The following GABBR2 variants were observed in gnomAD, a reference collection of about 807,000 sequenced individuals.
The protein encoded by GABBR2 is gamma-aminobutyric acid type B receptor subunit 2.
In GABBR2, 23 loss-of-function variants were observed where a neutral mutation model predicts 105.6. The ratio of observed to expected loss-of-function variants is 0.22; its 90% CI spans 0.16 to 0.31. GABBR2 has a LOEUF of 0.31. Ranked by LOEUF, GABBR2 falls within the 10% of genes least tolerant of loss-of-function variation. The probability of loss-of-function intolerance (pLI) is 1.00; values close to 1 mark genes in which losing one functional copy is unlikely to be tolerated. For synonymous variants in GABBR2, 478 were observed against 499.7 expected (o/e 0.96, Z 0.58); for missense variants, 734 against 1,245.5 (o/e 0.59, Z 6.18).
At chr9:98,380,266 G>A (rs888474113) in intron 11 of GABBR2, among the ~76,000 whole-genome samples, 10 of 152,202 alleles carry the variant, frequency 6.6e-5, no homozygotes, top group Admixed American at 3.9e-4. Flanking sequence ...ACTACCCCAC[G>A]CCCAGGAATG....
chr9:98,404,541 T>C (rs1481801990), intron 8 of GABBR2, among the ~76,000 whole-genome samples: 1 of 152,160 alleles, frequency 6.6e-6, no homozygotes, highest in East Asian at 1.9e-4. Context: ...CAGGCACCAC[T>C]CTTGTTTCTG....
chr9:98,307,705 GAATAAT>G (rs140318224), intron 14 of GABBR2, among the ~76,000 whole-genome samples: 2 of 151,836 alleles, frequency 1.3e-5, no homozygotes, highest in African/African-American at 2.4e-5. Flanking sequence ...TGTGGACTGG[GAATAAT>G]AATAATAATA....
At chr9:98,398,574 T>C (rs749720352) in intron 8 of GABBR2, among the ~76,000 whole-genome samples, 13 of 152,064 alleles carry the variant, frequency 8.5e-5, no homozygotes, top group African/African-American at 1.4e-4. Context: ...CCCTCATGGG[T>C]CCTGGGTCTG....
chr9:98,462,472 C>T (rs186560303), intron 6 of GABBR2, among the ~76,000 whole-genome samples: 14 of 152,140 alleles, frequency 9.2e-5, no homozygotes, highest in Non-Finnish European at 1.6e-4. Flanking sequence ...GAGTATCCAA[C>T]AGGAAAAATG....
chr9:98,539,944 GA>G (rs1828259803), intron 3 of GABBR2, among the ~76,000 whole-genome samples: 1 of 149,212 alleles, frequency 6.7e-6, no homozygotes, highest in African/African-American at 2.5e-5. Context: ...AAAAAGAAAA[GA>G]AAAAGGAAAA....
intron 4 of GABBR2, 73 bp downstream of exon 4, chr9:98,496,340 C>T: frequency 1.1e-6 from 1 of 939,178 alleles, no homozygotes; most frequent in South Asian, 1.3e-5. Context: ...GAGGCTCTTT[C>T]ATAGTCAGGT....
chr9:98,664,518 G>C (rs1463970171), intron 1 of GABBR2, among the ~76,000 whole-genome samples: 1 of 152,192 alleles, frequency 6.6e-6, no homozygotes, highest in East Asian at 1.9e-4. Flanking sequence ...AAAATCAGAA[G>C]CTGTTTGCAT....
Position 98,293,850 on chromosome 9 carries a change from C to T in GABBR2, c.2595G>A (p.Gln865=), listed in dbSNP as rs769395669. 8.1e-6 allele frequency: 13 copies of T among 1,613,362 alleles called. No homozygotes were observed. The Admixed American group carries it at 1.2e-4, about 14-fold the overall frequency. The stretch of plus-strand genomic sequence containing the variant: ...TTCGAGAGGGCTCTGTTGTGTTCCA[C>T]TGTAGCTGGGGATTTTGATCGAGGT... ...KNHLDQNPQL[Q]WNTTEPSRTC... The change falls in exon 18 of 19, where the codon CAG becomes CAA. Residue 865 remains glutamine, a synonymous_variant. Coordinates refer to ENST00000259455, the MANE Select transcript of GABBR2 (RefSeq NM_005458.8).
intron 3 of GABBR2, among the ~76,000 whole-genome samples, chr9:98,529,843 A>G (rs992172244): frequency 6.6e-6 from 1 of 152,152 alleles, no homozygotes; most frequent in Non-Finnish European, 1.5e-5. Context: ...GCTGACAGGT[A>G]AAGTCTCAAC....
chr9:98,697,354 G>C (rs529289914), intron 1 of GABBR2, among the ~76,000 whole-genome samples: 1 of 152,294 alleles, frequency 6.6e-6, no homozygotes, highest in African/African-American at 2.4e-5. Context: ...AGCCGGGCGT[G>C]GTGGCGGGCG....
chr9:98,645,129 C>T (rs1278090321), intron 1 of GABBR2, among the ~76,000 whole-genome samples: 2 of 152,236 alleles, frequency 1.3e-5, no homozygotes, highest in African/African-American at 2.4e-5. Context: ...TTCTGTCGAC[C>T]CTTGTTGCCT....
intron 13 of GABBR2, among the ~76,000 whole-genome samples, chr9:98,341,063 C>A (rs1831204641): frequency 6.6e-6 from 1 of 152,242 alleles, no homozygotes; most frequent in African/African-American, 2.4e-5. Context: ...GTGGCTCTGT[C>A]TTTTGTGATT....
intron 13 of GABBR2, among the ~76,000 whole-genome samples, chr9:98,343,877 G>GAAAAAAA (rs551609557): frequency 6.6e-6 from 1 of 151,830 alleles, no homozygotes; most frequent in Admixed American, 6.6e-5. Flanking sequence ...AAGAAAAAAA[G>GAAAAAAA]AAAAAAATCC....
chr9:98,599,597 A>G (rs1379202404), intron 1 of GABBR2, among the ~76,000 whole-genome samples: 2 of 152,378 alleles, frequency 1.3e-5, no homozygotes, highest in East Asian at 3.9e-4. Context: ...TCCCAGGCTG[A>G]GGGGGCCACC....
intron 1 of GABBR2, among the ~76,000 whole-genome samples, chr9:98,614,829 A>G (rs921740950): frequency 6.6e-6 from 1 of 152,192 alleles, no homozygotes; most frequent in African/African-American, 2.4e-5. Context: ...TCAACCCTGC[A>G]GAACTTGATC....
chr9:98,589,739 G>T (rs534023699), intron 1 of GABBR2, among the ~76,000 whole-genome samples: 1 of 144,108 alleles, frequency 6.9e-6, no homozygotes, highest in East Asian at 2.0e-4. Flanking sequence ...TTTAAAGACA[G>T]GATCTCCCTC....
At chr9:98,449,244 T>C (rs937107695) in intron 7 of GABBR2, among the ~76,000 whole-genome samples, 1 of 152,312 alleles carries the variant, frequency 6.6e-6, no homozygotes, top group Admixed American at 6.5e-5. Context: ...AAACCGTCTT[T>C]CCTCCAGAGG....
chr9:98,572,383 T>A (rs1828844701), intron 2 of GABBR2, among the ~76,000 whole-genome samples: 1 of 152,194 alleles, frequency 6.6e-6, no homozygotes, highest in African/African-American at 2.4e-5. Flanking sequence ...AACAACTGAT[T>A]ACGCATTCCT....
At chr9:98,529,457 C>T (rs1056599926) in intron 3 of GABBR2, among the ~76,000 whole-genome samples, 1 of 152,230 alleles carries the variant, frequency 6.6e-6, no homozygotes, top group Middle Eastern at 3.2e-3. Flanking sequence ...TATTTATTTA[C>T]ACACATTCAT....
Sources: allele counts gnomAD v4.1 joint callset (sites outside exome capture counted in the v4.1 genomes callset), GRCh38; gene constraint gnomAD v4.1.1; transcripts MANE v1.5; gene names NCBI Gene and HGNC (gene_info 2026-07-23, HGNC 2026-07-21).